STX18: variants seen among roughly 807,000 people sequenced by gnomAD.
STX18 encodes the protein syntaxin 18.
In STX18, 40 loss-of-function variants were observed where a neutral mutation model predicts 50.1. That is an observed-to-expected ratio of 0.80 (90% CI 0.62 to 1.04). STX18 has a LOEUF of 1.04. Among genes scored for constraint, STX18 ranks in the 50% least tolerant of loss-of-function variants. The probability of loss-of-function intolerance (pLI) is 0.00; values close to 1 mark genes in which losing one functional copy is unlikely to be tolerated. For missense variants in STX18, 410 were observed against 415.8 expected, an observed-to-expected ratio of 0.99 and a Z score of 0.12; for synonymous variants, 158 against 151.8, an observed-to-expected ratio of 1.04 and a Z score of -0.30.
intron 1 of STX18, among the ~76,000 whole-genome samples, chr4:4,483,325 G>A (rs1285201835): frequency 3.3e-5 from 5 of 152,088 alleles, no homozygotes; most frequent in Non-Finnish European, 1.5e-5. Context: ...CAAAAGTTGA[G>A]TGGCACCTTA....
At chr4:4,530,015 AC>A (rs911390719) in intron 1 of STX18, among the ~76,000 whole-genome samples, 45 of 151,660 alleles carry the variant, frequency 3.0e-4, no homozygotes, top group Admixed American at 2.6e-3. Flanking sequence ...AATAGCCCCC[AC>A]CCCTCCACTG....
chr4:4,529,901 T>C (rs1262245421), intron 1 of STX18, among the ~76,000 whole-genome samples: 1 of 152,200 alleles, frequency 6.6e-6, no homozygotes, highest in Non-Finnish European at 1.5e-5. Flanking sequence ...GCAACATTTG[T>C]GGATGATTTT....
chr4:4,536,808 T>C (rs1193169691), intron 1 of STX18, among the ~76,000 whole-genome samples: 3 of 152,232 alleles, frequency 2.0e-5, no homozygotes, highest in Non-Finnish European at 2.9e-5. Context: ...GAATGTATTA[T>C]CAAGAACAAA....
chr4:4,518,727 A>T (rs1730388409), intron 1 of STX18, among the ~76,000 whole-genome samples: 2 of 152,156 alleles, frequency 1.3e-5, no homozygotes, highest in African/African-American at 4.8e-5. Context: ...ATCTTAAAAG[A>T]TTATAAAATA....
intron 2 of STX18, among the ~76,000 whole-genome samples, chr4:4,470,863 C>T (rs1727877049): frequency 6.6e-6 from 1 of 152,100 alleles, no homozygotes; most frequent in Non-Finnish European, 1.5e-5. Flanking sequence ...GGGGAGACCG[C>T]AGTGTAGAGG....
At chr4:4,485,138 GTGACA>G (rs2108855563) in intron 1 of STX18, among the ~76,000 whole-genome samples, 1 of 152,300 alleles carries the variant, frequency 6.6e-6, no homozygotes, top group East Asian at 1.9e-4. Context: ...CCACTTACTA[GTGACA>G]TGGCTTTGTG....
At chr4:4,449,879 T>G (rs1350018689) in intron 5 of STX18, among the ~76,000 whole-genome samples, 4 of 152,240 alleles carry the variant, frequency 2.6e-5, no homozygotes, top group Non-Finnish European at 5.9e-5. Flanking sequence ...TTAAGTTATC[T>G]CTAATTTGGC....
intron 7 of STX18, among the ~76,000 whole-genome samples, chr4:4,430,546 A>G (rs558754161): frequency 6.6e-6 from 1 of 152,360 alleles, no homozygotes; most frequent in Admixed American, 6.5e-5. Context: ...TGCTTTAGTC[A>G]TTGATACTAC....
Position 4,459,455 on chromosome 4 carries a change from T to G in STX18, c.269A>C (p.Asp90Ala), listed in dbSNP as rs771440540. 1.9e-6 allele frequency: 3 copies of G among 1,614,120 alleles called. No homozygotes were observed. The highest frequency in any genetic ancestry group is 2.5e-6 in the Non-Finnish European group (3 of 1,179,998). ...CTGGTCTATCTGGTCTCGTTCTGTG[T>G]CTGTCATCCTCCCATATTCAGACAT... ...HTMSEYGRMT[D>A]TERDQIDQDA... is the part of the protein sequence containing the mutation. The change falls in exon 3 of 11, where the codon GAC becomes GCC. Residue 90 changes from aspartate (D) to alanine (A), a missense_variant. By Grantham distance (126) the Asp-to-Ala change is moderately radical. Coordinates refer to ENST00000306200, the MANE Select transcript of STX18 (RefSeq NM_016930.4).
chr4:4,511,146 A>G (rs1192969934), intron 1 of STX18, among the ~76,000 whole-genome samples: 1 of 152,236 alleles, frequency 6.6e-6, no homozygotes, highest in Admixed American at 6.5e-5. Context: ...CATTCTGCAC[A>G]TGTATCCTAG....
At chr4:4,478,363 T>C (rs28482061) in intron 1 of STX18, among the ~76,000 whole-genome samples, 43 of 152,098 alleles carry the variant, frequency 2.8e-4, no homozygotes, top group African/African-American at 1.0e-3. Flanking sequence ...GGTTCACAAA[T>C]ACAGCAAGGA....
chr4:4,461,838 G>A (rs1727393340), intron 2 of STX18: 2 of 455,774 alleles, frequency 4.4e-6, no homozygotes, highest in Admixed American at 2.4e-5. Flanking sequence ...TCCTCCCTCT[G>A]GCCCCCTCGC....
chr4:4,472,250 A>G (rs1333420808), intron 1 of STX18, among the ~76,000 whole-genome samples: 1 of 152,208 alleles, frequency 6.6e-6, no homozygotes, highest in African/African-American at 2.4e-5. Flanking sequence ...TACAGGTACA[A>G]AGCACTGTGT....
chr4:4,518,420 T>A (rs1227969726), intron 1 of STX18, among the ~76,000 whole-genome samples: 1 of 152,218 alleles, frequency 6.6e-6, no homozygotes, highest in Admixed American at 6.5e-5. Context: ...TATTGTGCTG[T>A]TTAATTCTTT....
chr4:4,484,139 G>C (rs1412990480), intron 1 of STX18, among the ~76,000 whole-genome samples: 1 of 152,152 alleles, frequency 6.6e-6, no homozygotes, highest in Non-Finnish European at 1.5e-5. Context: ...TGGGATTACA[G>C]GTGTGAGCCA....
chr4:4,503,367 T>A (rs1354182255), intron 1 of STX18, among the ~76,000 whole-genome samples: 1 of 152,192 alleles, frequency 6.6e-6, no homozygotes, highest in African/African-American at 2.4e-5. Flanking sequence ...CTTGAGAGGC[T>A]CTTCTGATAA....
At chr4:4,421,427 A>T (rs1200077882) in intron 9 of STX18, among the ~76,000 whole-genome samples, 2 of 151,988 alleles carry the variant, frequency 1.3e-5, no homozygotes, top group Middle Eastern at 3.4e-3. Flanking sequence ...AATTTTTAAA[A>T]TTTTTTGTAG....
chr4:4,467,675 G>A (rs911196502), intron 2 of STX18, among the ~76,000 whole-genome samples: 25 of 125,228 alleles, frequency 2.0e-4, no homozygotes, highest in African/African-American at 7.3e-4. Flanking sequence ...GATAAAATAT[G>A]AATAACTGGT....
chr4:4,510,117 G>A (rs919934300), intron 1 of STX18, among the ~76,000 whole-genome samples: 12 of 152,132 alleles, frequency 7.9e-5, no homozygotes, highest in African/African-American at 2.7e-4. Context: ...AAATCACCAC[G>A]CATCGTTTTA....
Sources: gnomAD v4.1 joint callset for allele counts (sites outside exome capture counted in the v4.1 genomes callset) on GRCh38, gnomAD v4.1.1 for gene constraint, MANE v1.5 for transcripts, NCBI Gene and HGNC (gene_info 2026-07-23, HGNC 2026-07-21) for gene names.